PTPRD: variants seen among roughly 807,000 people sequenced by gnomAD.
PTPRD encodes protein tyrosine phosphatase receptor type D.
Under a neutral mutation model 214.5 loss-of-function variants are expected in PTPRD, and 34 were observed. That is an observed-to-expected ratio of 0.16 (90% CI 0.12 to 0.21). The LOEUF is 0.21. Among genes scored for constraint, PTPRD ranks in the 10% least tolerant of loss-of-function variants. The probability of loss-of-function intolerance (pLI) is 1.00; values close to 1 mark genes in which losing one functional copy is unlikely to be tolerated. For synonymous variants in PTPRD, 1,128 were observed against 845.7 expected, an observed-to-expected ratio of 1.33 and a Z score of -5.79; for missense variants, 2,545 against 2,398.7, an observed-to-expected ratio of 1.06 and a Z score of -1.27.
At chr9:9,409,186 C>T (rs945659550) in intron 8 of PTPRD, among the ~76,000 whole-genome samples, 4 of 151,746 alleles carry the variant, frequency 2.6e-5, no homozygotes, top group African/African-American at 9.7e-5. Flanking sequence ...TATACTGTTC[C>T]TACAATATTT....
chr9:10,176,774 A>T (rs1387956095), intron 3 of PTPRD, among the ~76,000 whole-genome samples: 1 of 152,002 alleles, frequency 6.6e-6, no homozygotes, highest in East Asian at 1.9e-4. Context: ...TAAGTACTAC[A>T]TTCCAAAGAA....
intron 3 of PTPRD, among the ~76,000 whole-genome samples, chr9:10,213,765 G>C (rs2099527901): frequency 1.3e-5 from 2 of 152,038 alleles, no homozygotes; most frequent in African/African-American, 4.8e-5. Context: ...TAACACTTTT[G>C]TTGTTACCAA....
At chr9:8,695,521 G>C (rs2097893779) in intron 12 of PTPRD, among the ~76,000 whole-genome samples, 1 of 151,344 alleles carries the variant, frequency 6.6e-6, no homozygotes, top group Non-Finnish European at 1.5e-5. Flanking sequence ...TCAATAGTCT[G>C]TTTATATGCC....
In PTPRD at chr9:9,880,625, G is replaced by A. The variant is rs1361552656; in HGVS notation, c.-368+57882C>T. Among the ~76,000 whole-genome samples, 5 of 151,978 alleles carry A rather than the reference G, an allele frequency of 3.3e-5. No individual in the cohort carries two copies. In the East Asian group the frequency reaches 5.8e-4, roughly 18 times the overall value. On this transcript the variant is annotated intron_variant, in intron 5 of 45. Coordinates refer to ENST00000381196, the MANE Select transcript of PTPRD (RefSeq NM_002839.4). ...AGGAGAATTTAATTTGTTTCTTTGG[G>A]ACTCTGTGTGTGTTGTGTGCTTGTG...
At chr9:8,969,426 T>G (rs1444218620) in intron 11 of PTPRD, among the ~76,000 whole-genome samples, 5 of 152,086 alleles carry the variant, frequency 3.3e-5, no homozygotes, top group Non-Finnish European at 7.4e-5. Context: ...TGCACAGAAG[T>G]TCATTAGTAC....
At chr9:8,654,307 C>G (rs2096868329) in intron 12 of PTPRD, among the ~76,000 whole-genome samples, 1 of 152,116 alleles carries the variant, frequency 6.6e-6, no homozygotes, top group African/African-American at 2.4e-5. Context: ...CACATTTCAC[C>G]TAGCTTATAA....
At chr9:8,426,445 A>G (rs765466349) in intron 35 of PTPRD, among the ~76,000 whole-genome samples, 1 of 152,220 alleles carries the variant, frequency 6.6e-6, no homozygotes, top group African/African-American at 2.4e-5. Context: ...ATGCAACTCA[A>G]TAAAGAGTGT....
chr9:9,681,721 A>C (rs943177176), intron 7 of PTPRD, among the ~76,000 whole-genome samples: 1 of 151,892 alleles, frequency 6.6e-6, no homozygotes, highest in African/African-American at 2.4e-5. Flanking sequence ...AGGTCATTTT[A>C]ATAACAGAAA....
In PTPRD at chr9:8,670,860, G is replaced by A. The variant is rs141808685; in HGVS notation, c.65-34016C>T. On this transcript the variant is annotated intron_variant, in intron 12 of 45. Coordinates refer to ENST00000381196, the MANE Select transcript of PTPRD (RefSeq NM_002839.4). Reference sequence around the variant, plus strand: ...ACCCAGTAAAAGCACATTTCTTTCAGTAGTTAGAGAGGATCACTGGTACAT... The same window carrying A: ...ACCCAGTAAAAGCACATTTCTTTCAATAGTTAGAGAGGATCACTGGTACAT... Among the ~76,000 whole-genome samples the A allele has an allele frequency of 7.0e-3, 1,064 of 152,300 alleles. 5 individuals are homozygous for A. Among genetic ancestry groups the A allele is most frequent in the Non-Finnish European group, 0.011 (776 of 68,034 alleles).
chr9:9,513,568 A>G (rs1185121948), intron 8 of PTPRD, among the ~76,000 whole-genome samples: 2 of 148,394 alleles, frequency 1.3e-5, no homozygotes, highest in Non-Finnish European at 3.0e-5. Context: ...CTCAGTAATA[A>G]CCTGATAAAG....
chr9:9,932,125 GA>G (rs1458453551), intron 5 of PTPRD, among the ~76,000 whole-genome samples: 2 of 148,438 alleles, frequency 1.3e-5, no homozygotes, highest in South Asian at 4.2e-4. Flanking sequence ...CAAAGATGGG[GA>G]AAAAACAGAA....
chr9:9,513,899 T>C (rs988287840), intron 8 of PTPRD, among the ~76,000 whole-genome samples: 8 of 152,180 alleles, frequency 5.3e-5, no homozygotes, highest in African/African-American at 1.7e-4. Flanking sequence ...TAAATGTTGA[T>C]GGCAGAAGAG....
chr9:8,618,906 G>GTTT (rs1270022921), intron 14 of PTPRD, among the ~76,000 whole-genome samples: 17 of 96,844 alleles, frequency 1.8e-4, no homozygotes, highest in African/African-American at 6.7e-4. Flanking sequence ...GTTTGTCTGT[G>GTTT]TTTTTTTGTT....
At chr9:9,133,406 A>T (rs1193244183) in intron 10 of PTPRD, among the ~76,000 whole-genome samples, 1 of 152,246 alleles carries the variant, frequency 6.6e-6, no homozygotes, top group Non-Finnish European at 1.5e-5. Context: ...TTATCTTCAA[A>T]TAAATAATAT....
intron 11 of PTPRD, among the ~76,000 whole-genome samples, chr9:8,914,750 T>G (rs966977793): frequency 4.6e-5 from 7 of 152,142 alleles, no homozygotes; most frequent in Non-Finnish European, 8.8e-5. Context: ...AACTCAATAG[T>G]TTAGAATTTA....
rs78732399 is a variant in PTPRD, at chr9:10,333,310, G to A, written c.-545+7653C>T. On this transcript the variant is annotated intron_variant, in intron 3 of 45. Transcript: ENST00000381196. ...CAACCACAGGAGCCTTTGGTCCCTC[G>A]CGTTTTGTTTATAGCTTGTTCAGCA... Among the ~76,000 whole-genome samples the A allele has an allele frequency of 9.3e-3, 1,418 of 151,824 alleles. 12 individuals are homozygous for A. Among genetic ancestry groups the A allele is most frequent in the African/African-American group, 0.033 (1,369 of 41,468 alleles).
intron 7 of PTPRD, among the ~76,000 whole-genome samples, chr9:9,677,723 A>C (rs1252091333): frequency 1.3e-5 from 2 of 152,028 alleles, no homozygotes; most frequent in East Asian, 1.9e-4. Flanking sequence ...GGCCAGGGCT[A>C]TCAGGCAGGA....
At position 9,970,209 on chromosome 9, in the gene PTPRD, G is replaced by T. The variant is rs1034648094; in HGVS notation, c.-471-31599C>A. On this transcript the variant is annotated intron_variant, in intron 4 of 45. Transcript: ENST00000381196. ...CATTTTAAAAGAATTACTTTACTTT[G>T]GGAGGCCGAGGTGGGCGGATCACGA... is the stretch of plus-strand genomic sequence containing the variant. 7.2e-5 allele frequency among the ~76,000 whole-genome samples: 11 copies of T among 152,138 alleles called. No individual in the cohort carries two copies. In the East Asian group the frequency reaches 2.1e-3, roughly 29 times the overall value.
Position 10,533,189 on chromosome 9 carries a change from C to T in PTPRD, c.-600+79209G>A, listed in dbSNP as rs146508011. ...GCTTTCCTCCAGGAGTGGAAGCAGC[C>T]TGAGGCCCTCACCAGATGTCACCAC... On this transcript the variant is annotated intron_variant, in intron 2 of 45. Transcript: ENST00000381196. Among the ~76,000 whole-genome samples, 9 of 152,148 alleles carry T rather than the reference C, an allele frequency of 5.9e-5. No homozygotes were observed. The East Asian group carries it at 1.7e-3, about 29-fold the overall frequency.
Sources: allele counts gnomAD v4.1 joint callset (sites outside exome capture counted in the v4.1 genomes callset), GRCh38; gene constraint gnomAD v4.1.1; transcripts MANE v1.5; gene names NCBI Gene and HGNC (gene_info 2026-07-23, HGNC 2026-07-21).